The following CXADR variants were observed in gnomAD, a reference collection of about 807,000 sequenced individuals.
CXADR encodes the protein coxsackievirus and adenovirus receptor.
Under a neutral mutation model 40.3 loss-of-function variants are expected in CXADR, and 20 were observed. The ratio of observed to expected loss-of-function variants is 0.50; its 90% CI spans 0.35 to 0.72. The LOEUF is 0.72. CXADR is among the 30% of genes least tolerant of loss of function. CXADR has a pLI of 0.01. For synonymous variants in CXADR, 150 were observed against 161.3 expected (o/e 0.93, Z 0.53); for missense variants, 332 against 449.1 (o/e 0.74, Z 2.36).
the CXADR span, among the ~76,000 whole-genome samples, chr21:17,622,627 A>G: frequency 6.6e-6 from 1 of 152,218 alleles, no homozygotes; most frequent in African/African-American, 2.4e-5. Context: ...CTAATAAACT[A>G]TGATGTGTAT....
At chr21:17,545,772 GT>G (rs71189545) in intron 1 of CXADR, among the ~76,000 whole-genome samples, 5 of 127,136 alleles carry the variant, frequency 3.9e-5, no homozygotes, top group African/African-American at 1.3e-4. Context: ...CAACTATTTG[GT>G]TTTTTTTGTT....
At chr21:17,612,950 G>A in the CXADR span, 1 of 152,156 alleles carries the variant, frequency 6.6e-6, no homozygotes, top group African/African-American at 2.4e-5. Flanking sequence ...CCGGAAGAGG[G>A]GAGGGGCGAT....
chr21:17,586,581 G>A (rs994649091), intron 7 of CXADR, among the ~76,000 whole-genome samples: 1 of 151,440 alleles, frequency 6.6e-6, no homozygotes, highest in African/African-American at 2.4e-5. Context: ...GATTACAGGT[G>A]TGAGTCAGCC....
At chr21:17,575,516 A>G (rs866788775) in intron 7 of CXADR, among the ~76,000 whole-genome samples, 26 of 142,254 alleles carry the variant, frequency 1.8e-4, no homozygotes, top group Non-Finnish European at 7.6e-5. Context: ...TTTGAGGCGG[A>G]GTCTCGCTCC....
the CXADR span, among the ~76,000 whole-genome samples, chr21:17,605,899 C>G: frequency 6.6e-6 from 1 of 152,078 alleles, no homozygotes; most frequent in Non-Finnish European, 1.5e-5. Context: ...GTACCTCTTC[C>G]TCAGACCTGT....
chr21:17,558,908 A>G, intron 3 of CXADR, 68 bp from the exon 4 acceptor site: 1 of 1,483,266 alleles, frequency 6.7e-7, no homozygotes, highest in Non-Finnish European at 9.1e-7. Flanking sequence ...GTGGTTGTGT[A>G]CAATGCTGTA....
At chr21:17,586,844 C>T (rs1176840940) in intron 7 of CXADR, among the ~76,000 whole-genome samples, 3 of 152,152 alleles carry the variant, frequency 2.0e-5, no homozygotes, top group East Asian at 3.9e-4. Flanking sequence ...CTCATTAACT[C>T]GTCATTTAAC....
rs76729939 is a variant in CXADR at position 17,544,804 on chromosome 21, C to T, written c.44-2223C>T. 8.0e-3 allele frequency among the ~76,000 whole-genome samples: 1,212 copies of T among 152,212 alleles called. 70 individuals are homozygous for T. The East Asian group carries it at 0.16, about 20-fold the overall frequency. On this transcript the variant is annotated intron_variant, in intron 1 of 6. Transcript: ENST00000284878. ...GCATTTACATGTGATTGAAAGCTTA[C>T]GATGGTGCCTAAACGTAAATGGTGT...
rs550438514 is a variant in CXADR, at chr21:17,565,978, G to A, written c.*286G>A. The A allele has an allele frequency of 4.7e-4, 489 of 1,050,168 alleles. 2 individuals carry two copies. The highest frequency in any genetic ancestry group is 5.3e-4 in the Non-Finnish European group (457 of 870,192). 65.1% of individuals were successfully genotyped at this position (1,050,168 alleles called of 1,614,324 possible). On this transcript the variant is annotated 3_prime_UTR_variant, in exon 7 of 7. Coordinates refer to ENST00000284878, the MANE Select transcript of CXADR (RefSeq NM_001338.5). ...TATCAGTACCTAAGTAAGATGTAGC[G>A]CTTTGAATATGAAATCATAGGTGAA...
At chr21:17,553,614 C>CTTTTTTTT (rs10710377) in intron 3 of CXADR, among the ~76,000 whole-genome samples, 1 of 128,272 alleles carries the variant, frequency 7.8e-6, no homozygotes. Flanking sequence ...GGTCCGAATT[C>CTTTTTTTT]TTTTTTTTTT....
intron 1 of CXADR, chr21:17,542,183 A>G (rs2060838742): frequency 1.0e-5 from 2 of 194,212 alleles, no homozygotes; most frequent in South Asian, 7.8e-5. Flanking sequence ...CTCTTTTTAA[A>G]AAACTAGTGA....
At chr21:17,565,177 A>T (rs572892635) in intron 6 of CXADR, among the ~76,000 whole-genome samples, 25 of 152,316 alleles carry the variant, frequency 1.6e-4, no homozygotes, top group African/African-American at 5.5e-4. Context: ...ATTTGTGTAA[A>T]TACCATATTT....
chr21:17,530,540 G>A lies in CXADR; in HGVS notation c.44-16487G>A, dbSNP rs556273851. On this transcript the variant is annotated intron_variant, in intron 1 of 6. Coordinates refer to ENST00000284878, the MANE Select transcript of CXADR (RefSeq NM_001338.5). ...GAAATAACTACTGTGAAGGCCGGGC[G>A]TGGTGGCTCACGCCTGTAATCCCAG... is the stretch of plus-strand genomic sequence containing the variant. 3.3e-4 allele frequency: 131 copies of A among 401,392 alleles called. 1 individual carries two copies. The highest frequency in any genetic ancestry group is 1.8e-3 in the South Asian group (100 of 55,356). 24.9% of individuals were successfully genotyped at this position (401,392 alleles called of 1,614,324 possible). A position where few individuals can be genotyped will look rare whatever the true frequency, so the allele number is the denominator to read the frequency against.
chr21:17,554,642 G>A (rs2061011553), intron 3 of CXADR, among the ~76,000 whole-genome samples: 3 of 152,174 alleles, frequency 2.0e-5, no homozygotes, highest in Admixed American at 1.3e-4. Flanking sequence ...TAGATGAGTC[G>A]TGACTGCTGC....
At chr21:17,556,370 T>G (rs982875637) in intron 3 of CXADR, among the ~76,000 whole-genome samples, 2 of 152,218 alleles carry the variant, frequency 1.3e-5, no homozygotes, top group African/African-American at 4.8e-5. Flanking sequence ...GAATCTTGTT[T>G]TATTGTGGAC....
intron 1 of CXADR, among the ~76,000 whole-genome samples, chr21:17,533,225 T>A (rs1423977107): frequency 2.0e-5 from 3 of 152,168 alleles, no homozygotes; most frequent in Non-Finnish European, 2.9e-5. Context: ...TTGGCAACAG[T>A]CAGATAACCT....
At chr21:17,552,030 G>A in intron 3 of CXADR, 77 bp downstream of exon 3, 1 of 1,087,710 alleles carries the variant, frequency 9.2e-7, no homozygotes, top group South Asian at 1.5e-5. Flanking sequence ...AGCAGCACTT[G>A]TATAAAATAA....
chr21:17,537,111 A>G (rs1176709709), intron 1 of CXADR, among the ~76,000 whole-genome samples: 2 of 152,234 alleles, frequency 1.3e-5, no homozygotes, highest in African/African-American at 4.8e-5. Flanking sequence ...AAGGTGGAGC[A>G]AGAGAGAAAA....
At chr21:17,619,462 G>A in the CXADR span, among the ~76,000 whole-genome samples, 2 of 152,170 alleles carry the variant, frequency 1.3e-5, no homozygotes, top group Non-Finnish European at 1.5e-5. Flanking sequence ...GGTGATGCAT[G>A]CCTGTAATCC....
Sources: gnomAD v4.1 joint callset for allele counts (sites outside exome capture counted in the v4.1 genomes callset) on GRCh38, gnomAD v4.1.1 for gene constraint, MANE v1.5 for transcripts, NCBI Gene and HGNC (gene_info 2026-07-23, HGNC 2026-07-21) for gene names.